Variants in BEND5 observed in about 807,000 individuals in gnomAD.
The protein encoded by BEND5 is BEN domain-containing protein 5.
A neutral mutation model predicts 43.9 loss-of-function variants in BEND5; 22 were observed. The observed-to-expected ratio is 0.50, with a 90% confidence interval of 0.36 to 0.72. The LOEUF (loss-of-function observed/expected upper bound fraction) is 0.72, where lower values mean the gene tolerates loss of function less well. Among genes scored for constraint, BEND5 ranks in the 30% least tolerant of loss-of-function variants. BEND5 has a pLI of 0.00. For synonymous variants in BEND5, 228 were observed against 225.9 expected (o/e 1.01, Z -0.08); for missense variants, 428 against 550.6 (o/e 0.78, Z 2.23).
intron 1 of BEND5, among the ~76,000 whole-genome samples, chr1:48,762,715 C>T (rs545760299): frequency 6.6e-6 from 1 of 151,890 alleles, no homozygotes; most frequent in South Asian, 2.1e-4. Context: ...AGGCTTCTCT[C>T]CTACAACTTG....
At chr1:48,728,152 C>A in intron 5 of BEND5, 109 bp from the exon 6 acceptor site, 1 of 965,032 alleles carries the variant, frequency 1.0e-6, no homozygotes, top group South Asian at 1.9e-5. Context: ...CAAATACCAG[C>A]TTATGTATCT....
chr1:48,759,507 G>C, intron 2 of BEND5: 5 of 891,534 alleles, frequency 5.6e-6, no homozygotes, highest in East Asian at 5.9e-5. Flanking sequence ...CTTGCCCAAA[G>C]TCATAACCAG....
intron 3 of BEND5, among the ~76,000 whole-genome samples, chr1:48,743,534 T>C (rs1211093469): frequency 3.3e-5 from 5 of 152,178 alleles, no homozygotes; most frequent in South Asian, 2.1e-4. Flanking sequence ...GCCAAATGAC[T>C]TGATTAACTT....
Position 48,742,510 on chromosome 1 carries a change from G to A in BEND5, c.894+113C>T, listed in dbSNP as rs992013644. The A allele has an allele frequency of 8.8e-6, 10 of 1,139,838 alleles. No individual in the cohort carries two copies. In the African/African-American group the frequency reaches 1.6e-4, roughly 18 times the overall value. 70.6% of individuals were successfully genotyped at this position (1,139,838 alleles called of 1,614,324 possible). A position where few individuals can be genotyped will look rare whatever the true frequency, so the allele number is the denominator to read the frequency against. Reference sequence around the variant, plus strand: ...TTCCAGAAACAGTCATTCAGGGCTAGGCCAGGAGGCCAACCAGTCAAGCTG... The same window carrying A: ...TTCCAGAAACAGTCATTCAGGGCTAAGCCAGGAGGCCAACCAGTCAAGCTG... On this transcript the variant is annotated intron_variant, in intron 4 of 5. Coordinates refer to ENST00000371833, the MANE Select transcript of BEND5 (RefSeq NM_024603.4).
chr1:48,761,186 T>C, intron 2 of BEND5, 151 bp downstream of exon 2: 1 of 842,218 alleles, frequency 1.2e-6, no homozygotes, highest in Non-Finnish European at 1.8e-6. Flanking sequence ...TACACACGAG[T>C]TGTCCCACGC....
intron 3 of BEND5, among the ~76,000 whole-genome samples, chr1:48,752,192 C>T (rs192060659): frequency 6.6e-5 from 10 of 152,262 alleles, no homozygotes; most frequent in Admixed American, 5.9e-4. Context: ...CGCTTTGGGC[C>T]TTTCTCAAAG....
chr1:48,761,240 A>G, intron 2 of BEND5, 97 bp downstream of exon 2: 1 of 1,287,278 alleles, frequency 7.8e-7, no homozygotes, highest in Non-Finnish European at 1.1e-6. Context: ...ACCAGGGGAC[A>G]TTTACATGGG....
At position 48,727,990 on chromosome 1, in the gene BEND5, G is replaced by T; in HGVS notation, c.1162C>A (p.Gln388Lys). ...TACTTGTTGACTTTGGAGAGTCTCT[G>T]TGCAATTTCAGTTTCATCCACAGTT... The part of the protein sequence containing the change: ...QETVDETEIA[Q>K]RLSKVNKYIC... Residue 388 changes from glutamine (Q) to lysine (K), a missense_variant, in exon 6 of 6, where the codon CAG becomes AAG. Gln to Lys is a moderately conservative substitution (Grantham distance 53). This residue lies in a region of BEND5 where 75 missense variants were observed against 148.5 expected (regional missense o/e 0.50). Coordinates refer to ENST00000371833, the MANE Select transcript of BEND5 (RefSeq NM_024603.4). 6.2e-7 allele frequency: 1 copy of T among 1,612,156 alleles called. No individual in the cohort carries two copies. The highest frequency in any genetic ancestry group is 1.1e-5 in the South Asian group (1 of 90,818).
chr1:48,774,932 G>A (rs1290648143), intron 1 of BEND5, among the ~76,000 whole-genome samples: 7 of 152,312 alleles, frequency 4.6e-5, no homozygotes, highest in Middle Eastern at 3.4e-3. Flanking sequence ...GACCCTTCCA[G>A]ATCTAGGAGT....
chr1:48,739,228 T>C (rs1343776527), intron 4 of BEND5, among the ~76,000 whole-genome samples: 1 of 152,222 alleles, frequency 6.6e-6, no homozygotes, highest in Non-Finnish European at 1.5e-5. Flanking sequence ...CAGTCCTTGC[T>C]CCCTTCAACC....
In BEND5 at chr1:48,742,743, C is replaced by G; in HGVS notation, c.774G>C (p.Lys258Asn). 1 of 1,605,192 alleles carries G rather than the reference C, an allele frequency of 6.2e-7. No homozygotes were observed. ...SGPAIDLEKVKSECLEPEPEL... is the reference protein window; with the variant it reads ...SGPAIDLEKVNSECLEPEPEL... Reference sequence around the variant, plus strand: ...CCGGCTCGGGCTCGAGACATTCTGACTTTACTTTTTCCAGATCAATGGCGG... The same window carrying G: ...CCGGCTCGGGCTCGAGACATTCTGAGTTTACTTTTTCCAGATCAATGGCGG... Residue 258 changes from lysine to asparagine, a missense_variant, in exon 4 of 6, where the codon AAG becomes AAC. Around this residue, in one of 4 missense-constraint regions of BEND5, gnomAD observed 243 missense variants for 286.4 expected, o/e 0.85. Transcript: ENST00000371833.
Position 48,776,763 on chromosome 1 carries a change from G to A in BEND5, c.69C>T (p.Asp23=). The A allele has an allele frequency of 3.3e-6, 5 of 1,526,110 alleles. No individual in the cohort carries two copies. In the South Asian group the frequency reaches 6.1e-5, roughly 19 times the overall value. 94.5% of individuals were successfully genotyped at this position (1,526,110 alleles called of 1,614,324 possible). ...CYALPVSCVR[D]FSPRSRLDFD... ...AATCCAGCCGCGAGCGGGGGCTGAA[G>A]TCGCGCACGCACGACACGGGCAGCG... is the stretch of plus-strand genomic sequence containing the variant. The change falls in exon 1 of 6, where the codon GAC becomes GAT. Residue 23 remains aspartate, a synonymous_variant. Coordinates refer to ENST00000371833, the MANE Select transcript of BEND5 (RefSeq NM_024603.4).
In BEND5 at chr1:48,759,023, G is replaced by C. The variant is rs1644108522; in HGVS notation, c.622C>G (p.Arg208Gly). The change falls in exon 3 of 6, where the codon CGG (arginine) becomes GGG (glycine). Residue 208 changes from arginine (R) to glycine (G), a missense_variant. Physicochemically the swap from Arg to Gly is moderately radical, Grantham distance 125 (BLOSUM62 -2). Transcript: ENST00000371833. ...TTGGCCTGTTGTACCAGCTGCCTCC[G>C]AGTCCGCTCCAGCTCCTGCTGGAGG... ...RHLQQELERT[R>G]RQLVQQAKKL... is the part of the protein sequence containing the mutation. 6.2e-7 allele frequency: 1 copy of C among 1,614,016 alleles called. No individual in the cohort carries two copies.
intron 3 of BEND5, among the ~76,000 whole-genome samples, chr1:48,744,901 A>T (rs1650492485): frequency 6.6e-6 from 1 of 152,172 alleles, no homozygotes; most frequent in Admixed American, 6.5e-5. Context: ...CTTGGCGCTG[A>T]ACACTACCTC....
intron 3 of BEND5, among the ~76,000 whole-genome samples, chr1:48,743,367 A>G (rs1284266977): frequency 6.6e-6 from 1 of 152,246 alleles, no homozygotes; most frequent in Non-Finnish European, 1.5e-5. Context: ...AATTACATGC[A>G]GTTTAAACAG....
chr1:48,729,498 C>T (rs2148550042), intron 5 of BEND5, among the ~76,000 whole-genome samples: 1 of 152,232 alleles, frequency 6.6e-6, no homozygotes, highest in East Asian at 1.9e-4. Flanking sequence ...CTTGTCATTA[C>T]CAAACCAGCT....
intron 3 of BEND5, among the ~76,000 whole-genome samples, chr1:48,755,213 G>A (rs570743387): frequency 1.4e-4 from 22 of 152,258 alleles, no homozygotes; most frequent in Admixed American, 5.2e-4. Flanking sequence ...GGCTGCTGAC[G>A]GACCTGCTTC....
chr1:48,744,274 T>A (rs1251125975), intron 3 of BEND5, among the ~76,000 whole-genome samples: 1 of 152,194 alleles, frequency 6.6e-6, no homozygotes, highest in African/African-American at 2.4e-5. Flanking sequence ...GCTAAGTAAA[T>A]AAAACAATGA....
chr1:48,774,683 A>G (rs1346674537), intron 1 of BEND5, among the ~76,000 whole-genome samples: 7 of 152,202 alleles, frequency 4.6e-5, no homozygotes. Context: ...TCTCAAACCA[A>G]CAGCTACATG....
Sources: allele counts gnomAD v4.1 joint callset (sites outside exome capture counted in the v4.1 genomes callset), GRCh38; gene constraint gnomAD v4.1.1; regional missense constraint gnomAD v4.1.1; transcripts MANE v1.5; gene names NCBI Gene and HGNC (gene_info 2026-07-23, HGNC 2026-07-21).